Variants in PKP4 observed in about 807,000 individuals in gnomAD.
PKP4 encodes plakophilin-4.
In PKP4, 90 loss-of-function variants were observed where a neutral mutation model predicts 145.1. The ratio of observed to expected loss-of-function variants is 0.62; its 90% confidence interval spans 0.52 to 0.74. The LOEUF (loss-of-function observed/expected upper bound fraction) is 0.74. PKP4 is among the 30% of genes least tolerant of loss of function. The pLI is 0.00. For missense variants in PKP4, 1,340 were observed against 1,482.7 expected (o/e 0.90, Z 1.58); for synonymous variants, 563 against 577.2 (o/e 0.98, Z 0.35).
In PKP4 at chr2:158,662,930, C is replaced by G. The variant is rs2056740841; in HGVS notation, c.2245C>G (p.Leu749Val). ...GAACTGCGTGTGCACCCTGAGGAAC[C>G]TGTCCTATCGGCTGGAGCTGGAGGT... ...VENCVCTLRN[L>V]SYRLELEVPQ... Residue 749 changes from leucine (L) to valine (V), a missense_variant, in exon 14 of 22, where the codon CTG (leucine) becomes GTG (valine). Transcript: ENST00000389759. 1.9e-6 allele frequency: 3 copies of G among 1,610,724 alleles called. No homozygotes were observed. Among genetic ancestry groups the G allele is most frequent in the Admixed American group, 1.7e-5 (1 of 59,056 alleles).
intron 2 of PKP4, among the ~76,000 whole-genome samples, chr2:158,558,055 G>A (rs559632050): frequency 8.5e-5 from 13 of 152,298 alleles, no homozygotes; most frequent in African/African-American, 3.1e-4. Context: ...GAGGCATGAA[G>A]AACACAGGCC....
At chr2:158,467,570 G>A (rs1235552549) in intron 1 of PKP4, among the ~76,000 whole-genome samples, 1 of 151,178 alleles carries the variant, frequency 6.6e-6, no homozygotes, top group Non-Finnish European at 1.5e-5. Context: ...AAAAATGTGG[G>A]CACGGTGGCT....
At chr2:158,599,340 T>G (rs1293378836) in intron 3 of PKP4, among the ~76,000 whole-genome samples, 2 of 152,224 alleles carry the variant, frequency 1.3e-5, no homozygotes, top group Non-Finnish European at 2.9e-5. Flanking sequence ...TGTCAGATAC[T>G]GCCTTAGGCT....
chr2:158,609,492 A>G (rs756330097), intron 4 of PKP4, among the ~76,000 whole-genome samples: 2 of 152,188 alleles, frequency 1.3e-5, no homozygotes, highest in Non-Finnish European at 2.9e-5. Context: ...TATACTTTGC[A>G]TGTTTACTTT....
chr2:158,640,598 C>T, intron 9 of PKP4, 29 bp from the exon 10 acceptor site: 1 of 1,608,754 alleles, frequency 6.2e-7, no homozygotes, highest in Non-Finnish European at 8.5e-7. Context: ...ATGGGCCTTC[C>T]TTTCTGAAGC....
chr2:158,471,018 A>G (rs965173115), intron 1 of PKP4, among the ~76,000 whole-genome samples: 1 of 152,190 alleles, frequency 6.6e-6, no homozygotes, highest in Admixed American at 6.5e-5. Context: ...CATGCTTGCT[A>G]CAAACACAGC....
chr2:158,612,018 A>G (rs911269519), intron 4 of PKP4, among the ~76,000 whole-genome samples: 2 of 109,188 alleles, frequency 1.8e-5, no homozygotes, highest in African/African-American at 8.2e-5. Context: ...ATGCTTCTTT[A>G]AAAAAAAAAA....
intron 4 of PKP4, 21 bp from the exon 5 acceptor site, chr2:158,620,969 A>T: frequency 6.2e-7 from 1 of 1,610,102 alleles, no homozygotes; most frequent in East Asian, 2.2e-5. Flanking sequence ...TATTTAGCTG[A>T]TTAAACTTTT....
chr2:158,633,187 A>T (rs2053530746), intron 8 of PKP4, among the ~76,000 whole-genome samples: 1 of 152,256 alleles, frequency 6.6e-6, no homozygotes, highest in South Asian at 2.1e-4. Flanking sequence ...CCATCAGTGG[A>T]TGCCTGAAAT....
intron 1 of PKP4, among the ~76,000 whole-genome samples, chr2:158,499,150 C>T (rs1349024702): frequency 6.6e-6 from 1 of 152,154 alleles, no homozygotes; most frequent in Non-Finnish European, 1.5e-5. Context: ...GTTTATTATA[C>T]TATGGTGGTA....
chr2:158,581,029 A>C (rs763934483), intron 3 of PKP4, among the ~76,000 whole-genome samples: 1 of 152,214 alleles, frequency 6.6e-6, no homozygotes, highest in Non-Finnish European at 1.5e-5. Context: ...CCTTAAGTCC[A>C]GGATGCTTCG....
intron 1 of PKP4, among the ~76,000 whole-genome samples, chr2:158,528,281 T>G (rs936182824): frequency 6.7e-6 from 1 of 149,006 alleles, no homozygotes; most frequent in African/African-American, 2.5e-5. Context: ...ACGTGGCACA[T>G]ATACACCATG....
At position 158,621,495 on chromosome 2, in the gene PKP4, C is replaced by G. The variant is rs938093347; in HGVS notation, c.603+74C>G. On this transcript the variant is annotated intron_variant, in intron 6 of 21. Transcript: ENST00000389759. The stretch of plus-strand genomic sequence containing the variant: ...GCACAGTGGCTCATGCCTGTAATCC[C>G]AGCATTTTGGGAGGCCGAGGCGGGT... 2.6e-5 allele frequency: 34 copies of G among 1,332,748 alleles called. No homozygotes were observed. The African/African-American group carries it at 4.7e-4, about 18-fold the overall frequency. The allele number at this position is 1,332,748 out of a possible 1,614,324, so 82.6% of individuals were successfully genotyped here. A position where few individuals can be genotyped will look rare whatever the true frequency, so the allele number is the denominator to read the frequency against.
rs3771664 is a variant in PKP4, at chr2:158,649,886, T to G, written c.1909+7187T>G. 4.6e-5 allele frequency among the ~76,000 whole-genome samples: 7 copies of G among 152,322 alleles called. No individual in the cohort carries two copies. The East Asian group carries it at 1.4e-3, about 29-fold the overall frequency. On this transcript the variant is annotated intron_variant, in intron 11 of 21. Coordinates refer to ENST00000389759, the MANE Select transcript of PKP4 (RefSeq NM_003628.6). ...GTTTCTGAGTATGATGCTCTATAGCTTGCAGCTGGAGGCACCTTTGTCTCT... is the reference window on the plus strand; with the variant it reads ...GTTTCTGAGTATGATGCTCTATAGCGTGCAGCTGGAGGCACCTTTGTCTCT...
chr2:158,530,888 C>G (rs1041436422), intron 1 of PKP4, among the ~76,000 whole-genome samples: 2 of 152,136 alleles, frequency 1.3e-5, no homozygotes, highest in African/African-American at 2.4e-5. Flanking sequence ...CCAAGCTTCT[C>G]AGCATTATAT....
rs558583593 is a variant in PKP4 at position 158,642,850 on chromosome 2, T to A, written c.1909+151T>A. The A allele has an allele frequency of 3.2e-3, 1,576 of 486,974 alleles. 22 individuals carry two copies. Among genetic ancestry groups the A allele is most frequent in the African/African-American group, 0.027 (1,420 of 51,998 alleles). 30.2% of individuals were successfully genotyped at this position (486,974 alleles called of 1,614,324 possible). A position where few individuals can be genotyped will look rare whatever the true frequency, so the allele number is the denominator to read the frequency against. On this transcript the variant is annotated intron_variant, in intron 11 of 21. Transcript: ENST00000389759. ...TCACAACTGTGAAGGCTGAGAATTA[T>A]TTAGTCTAATGAGTCAGAAACCGTT...
chr2:158,602,220 G>A (rs747759908), intron 3 of PKP4, among the ~76,000 whole-genome samples: 4 of 152,138 alleles, frequency 2.6e-5, no homozygotes, highest in Admixed American at 6.5e-5. Context: ...TAAGGTGCAC[G>A]AGTTTGGAAT....
At chr2:158,548,514 CCT>C (rs3836164) in intron 2 of PKP4, 28,513 of 155,168 alleles carry the variant, frequency 0.18, 3,717 homozygotes, top group Middle Eastern at 0.32. Context: ...TGATGGATCC[CCT>C]GTTTGAGAAA....
intron 1 of PKP4, among the ~76,000 whole-genome samples, chr2:158,463,639 T>TC (rs1690134360): frequency 6.6e-6 from 1 of 152,154 alleles, no homozygotes; most frequent in South Asian, 2.1e-4. Flanking sequence ...GTCTATAAAA[T>TC]GAGGGAGTTG....
Sources: allele counts gnomAD v4.1 joint callset (sites outside exome capture counted in the v4.1 genomes callset), GRCh38; gene constraint gnomAD v4.1.1; transcripts MANE v1.5; gene names NCBI Gene and HGNC (gene_info 2026-07-23, HGNC 2026-07-21).